Variants in FBXO34 observed in about 807,000 individuals in gnomAD.
FBXO34 encodes the protein F-box protein 34.
Under a neutral mutation model 24.5 loss-of-function variants are expected in FBXO34, and 12 were observed. That is an observed-to-expected ratio of 0.49 (90% CI 0.31 to 0.79). The LOEUF (loss-of-function observed/expected upper bound fraction) is 0.79. Ranked by LOEUF, FBXO34 falls within the 30% of genes least tolerant of loss-of-function variation. FBXO34 has a pLI of 0.04. For missense variants in FBXO34, 823 were observed against 857.7 expected (o/e 0.96, Z 0.51); for synonymous variants, 320 against 311.9 (o/e 1.03, Z -0.27).
chr14:55,272,962 A>G (rs754029744), intron 1 of FBXO34, among the ~76,000 whole-genome samples: 1 of 152,214 alleles, frequency 6.6e-6, no homozygotes, highest in Non-Finnish European at 1.5e-5. Flanking sequence ...GAAGAGATCT[A>G]ACTGGAAGAG....
the FBXO34 span, chr14:55,414,251 C>G: frequency 1.5e-6 from 1 of 688,686 alleles, no homozygotes; most frequent in East Asian, 2.7e-5. Flanking sequence ...GTTACTTACA[C>G]AGAGTCGCCC....
At chr14:55,280,508 C>T (rs1322435896) in intron 1 of FBXO34, among the ~76,000 whole-genome samples, 7 of 146,194 alleles carry the variant, frequency 4.8e-5, no homozygotes, top group Non-Finnish European at 1.0e-4. Context: ...GCAAATACTA[C>T]ACCATTTTAT....
At chr14:55,411,833 G>T in the FBXO34 span, 1 of 1,578,406 alleles carries the variant, frequency 6.3e-7, no homozygotes, top group East Asian at 2.3e-5. Flanking sequence ...GATGGCCTGA[G>T]AGGAGAGCCA....
intron 1 of FBXO34, among the ~76,000 whole-genome samples, chr14:55,344,955 C>T (rs1431495331): frequency 3.3e-5 from 5 of 152,150 alleles, no homozygotes; most frequent in Admixed American, 2.0e-4. Flanking sequence ...ATGTTTTACT[C>T]ATATTTATAC....
the FBXO34 span, chr14:55,440,385 G>T: frequency 1.2e-6 from 2 of 1,612,976 alleles, no homozygotes; most frequent in East Asian, 2.2e-5. Context: ...GGACAGTGGC[G>T]GCAGCCTCAC....
downstream of FBXO34, among the ~76,000 whole-genome samples, chr14:55,354,068 G>C (rs866147627): frequency 6.6e-6 from 1 of 152,182 alleles, no homozygotes; most frequent in Non-Finnish European, 1.5e-5. Flanking sequence ...AGGATGGTAC[G>C]TGCTCTAGGG....
chr14:55,293,083 A>G (rs1157770925), intron 1 of FBXO34, among the ~76,000 whole-genome samples: 1 of 149,892 alleles, frequency 6.7e-6, no homozygotes, highest in Non-Finnish European at 1.5e-5. Flanking sequence ...GGGTTTCACC[A>G]TGTTGGCCAG....
downstream of FBXO34, among the ~76,000 whole-genome samples, chr14:55,357,249 CA>C (rs1386908342): frequency 6.6e-6 from 1 of 152,194 alleles, no homozygotes; most frequent in Non-Finnish European, 1.5e-5. Context: ...TTGACCTTAA[CA>C]GTTTTAGGGG....
chr14:55,381,866 C>G, the FBXO34 span: 1 of 1,018,098 alleles, frequency 9.8e-7, no homozygotes, highest in East Asian at 2.5e-5. Context: ...ACTAAATGCC[C>G]CTGAATGGTT....
intron 1 of FBXO34, among the ~76,000 whole-genome samples, chr14:55,317,496 A>C (rs1005766639): frequency 2.6e-5 from 4 of 151,778 alleles, no homozygotes; most frequent in Non-Finnish European, 4.4e-5. Context: ...AAACAAAAAC[A>C]AAAACCAAAA....
the FBXO34 span, chr14:55,397,346 AT>A: frequency 1.2e-6 from 2 of 1,602,488 alleles, no homozygotes; most frequent in Non-Finnish European, 1.7e-6. Context: ...ACCTCCACAA[AT>A]TAAAAGACAA....
rs772617019 is a variant in FBXO34, at chr14:55,351,721, G to A, written c.1331G>A (p.Ser444Asn). The A allele has an allele frequency of 1.9e-6, 3 of 1,614,208 alleles. No individual in the cohort carries two copies. The highest frequency in any genetic ancestry group is 2.5e-6 in the Non-Finnish European group (3 of 1,180,044). ...CMSRELVSLT[S>N]RNPDQRKESL... ...AGCAGAGAGCTTGTGTCCCTTACTA[G>A]CCGAAATCCTGATCAAAGAAAAGAA... is the stretch of plus-strand genomic sequence containing the variant. The change falls in exon 2 of 2, where the codon AGC becomes AAC. Residue 444 changes from serine to asparagine, a missense_variant. Coordinates refer to ENST00000313833, the MANE Select transcript of FBXO34 (RefSeq NM_017943.4).
intron 1 of FBXO34, among the ~76,000 whole-genome samples, chr14:55,332,658 G>C (rs920010789): frequency 6.6e-6 from 1 of 152,158 alleles, no homozygotes; most frequent in African/African-American, 2.4e-5. Flanking sequence ...GGAGAACTTG[G>C]TGTACCTCAT....
At chr14:55,282,030 T>C (rs1036539866) in intron 1 of FBXO34, among the ~76,000 whole-genome samples, 1 of 144,834 alleles carries the variant, frequency 6.9e-6, no homozygotes, top group Non-Finnish European at 1.5e-5. Flanking sequence ...CAGAGTCTTA[T>C]TCTGTTGCCA....
the FBXO34 span, among the ~76,000 whole-genome samples, chr14:55,383,691 C>T: frequency 6.6e-6 from 1 of 151,824 alleles, no homozygotes. Context: ...ACTGCTTGAG[C>T]TCACGAATGG....
chr14:55,316,520 A>G (rs1026804251), intron 1 of FBXO34, among the ~76,000 whole-genome samples: 2 of 149,832 alleles, frequency 1.3e-5, no homozygotes, highest in African/African-American at 4.9e-5. Flanking sequence ...TGAGCTCAGG[A>G]GTTTGAGACC....
At chr14:55,410,968 C>T in the FBXO34 span, among the ~76,000 whole-genome samples, 1 of 152,192 alleles carries the variant, frequency 6.6e-6, no homozygotes, top group Non-Finnish European at 1.5e-5. Flanking sequence ...AAAGGCAATT[C>T]TCTTAACTAA....
chr14:55,336,095 CTAAT>C (rs1369828909), intron 1 of FBXO34, among the ~76,000 whole-genome samples: 1 of 151,170 alleles, frequency 6.6e-6, no homozygotes, highest in African/African-American at 2.4e-5. Flanking sequence ...GATTCAGGTA[CTAAT>C]TAAACTGCTC....
Position 55,313,621 on chromosome 14 carries a change from C to G in FBXO34, c.-10-36760C>G, listed in dbSNP as rs539764291. ...TCACAGTTTCACATGGCTGGGCGAACACAGGAAACTTACAATCATGGCACA... is the reference window on the plus strand; with the variant it reads ...TCACAGTTTCACATGGCTGGGCGAAGACAGGAAACTTACAATCATGGCACA... On this transcript the variant is annotated intron_variant, in intron 1 of 1. Coordinates refer to ENST00000313833, the MANE Select transcript of FBXO34 (RefSeq NM_017943.4). Among the ~76,000 whole-genome samples the G allele has an allele frequency of 2.6e-5, 4 of 152,266 alleles. No individual in the cohort carries two copies. The South Asian group carries it at 8.3e-4, about 32-fold the overall frequency.
Sources: gnomAD v4.1 joint callset for allele counts (sites outside exome capture counted in the v4.1 genomes callset) on GRCh38, gnomAD v4.1.1 for gene constraint, MANE v1.5 for transcripts, NCBI Gene and HGNC (gene_info 2026-07-23, HGNC 2026-07-21) for gene names.